The following SPARC variants were observed in gnomAD, a reference collection of about 807,000 sequenced individuals.
SPARC encodes secreted protein acidic and cysteine rich, also known as basement-membrane protein 40.
A neutral mutation model predicts 37.7 loss-of-function variants in SPARC; 23 were observed. The observed-to-expected ratio is 0.61, with a 90% confidence interval of 0.44 to 0.87. SPARC has a LOEUF of 0.87. SPARC is among the 40% of genes least tolerant of loss of function. The pLI is 0.00. For synonymous variants in SPARC, 155 were observed against 150.8 expected (o/e 1.03, Z -0.20); for missense variants, 312 against 389.0 (o/e 0.80, Z 1.66).
At chr5:151,668,617 G>A (rs181227063) in intron 6 of SPARC, among the ~76,000 whole-genome samples, 2 of 152,274 alleles carry the variant, frequency 1.3e-5, no homozygotes, top group African/African-American at 4.8e-5. Context: ...AGTCCCCTCT[G>A]TGAGGCTACC....
chr5:151,669,614 CAGAGCTCTCTCCCCA>C (rs748789366), intron 6 of SPARC, 35 bp downstream of exon 6: 31 of 1,597,316 alleles, frequency 1.9e-5, no homozygotes, highest in Non-Finnish European at 2.7e-5. Context: ...AGTGCCAGCT[CAGAGCTCTCTCCCCA>C]AGACAGGAGT....
chr5:151,680,204 A>G (rs370627706), intron 1 of SPARC, among the ~76,000 whole-genome samples: 1 of 144,868 alleles, frequency 6.9e-6, no homozygotes, highest in African/African-American at 2.6e-5. Context: ...AATAGAGAAT[A>G]GTGGAAAACA....
chr5:151,672,243 A>T (rs950750007), intron 4 of SPARC, among the ~76,000 whole-genome samples: 1 of 152,226 alleles, frequency 6.6e-6, no homozygotes, highest in African/African-American at 2.4e-5. Flanking sequence ...ATGACTCAGT[A>T]GATGTCCCTC....
At chr5:151,681,677 A>G (rs751274378) in intron 1 of SPARC, among the ~76,000 whole-genome samples, 2 of 152,200 alleles carry the variant, frequency 1.3e-5, no homozygotes, top group African/African-American at 2.4e-5. Flanking sequence ...AGATCACCTG[A>G]GGTCAGCAGT....
At chr5:151,685,100 G>C (rs1761101325) in intron 1 of SPARC, 1 of 152,182 alleles carries the variant, frequency 6.6e-6, no homozygotes, top group African/African-American at 2.4e-5. Context: ...AGTGAGTCAG[G>C]CAGAGAAGAG....
intron 5 of SPARC, 84 bp from the exon 6 acceptor site, chr5:151,669,868 G>A (rs529052463): frequency 1.3e-6 from 2 of 1,536,126 alleles, no homozygotes; most frequent in East Asian, 2.3e-5. Flanking sequence ...TCAGAGATGG[G>A]GACACTGAGG....
At chr5:151,674,515 C>A (rs1213916752) in intron 3 of SPARC, 97 bp downstream of exon 3, 4 of 1,091,646 alleles carry the variant, frequency 3.7e-6, no homozygotes, top group Admixed American at 3.5e-5. Context: ...GACGAATGCC[C>A]CACTCTAGCA....
intron 4 of SPARC, chr5:151,672,870 G>C: frequency 2.0e-6 from 1 of 492,354 alleles, no homozygotes; most frequent in Non-Finnish European, 3.7e-6. Context: ...GCTATGAGGG[G>C]AGAAGCCCAT....
At chr5:151,669,915 G>T in intron 5 of SPARC, 131 bp from the exon 6 acceptor site, 1 of 1,276,852 alleles carries the variant, frequency 7.8e-7, no homozygotes, top group Non-Finnish European at 1.1e-6. Context: ...AGGTCATATA[G>T]TGAGTTAGTG....
At chr5:151,663,956 A>G in intron 9 of SPARC, 131 bp downstream of exon 9, 1 of 1,083,592 alleles carries the variant, frequency 9.2e-7, no homozygotes, top group Non-Finnish European at 1.4e-6. Flanking sequence ...AAATAGGCAG[A>G]GAGAGCAGAG....
In SPARC at chr5:151,662,634, G is replaced by T. The variant is rs1760534775; in HGVS notation, c.*937C>A. ...ATAGAAGAAAAAAGGGGAGGGTGAAGAAAAGGAGGAACATGCTAAAAACCT... is the reference window on the plus strand; with the variant it reads ...ATAGAAGAAAAAAGGGGAGGGTGAATAAAAGGAGGAACATGCTAAAAACCT... On this transcript the variant is annotated 3_prime_UTR_variant, in exon 10 of 10. Coordinates refer to ENST00000231061, the MANE Select transcript of SPARC (RefSeq NM_003118.4). The T allele has an allele frequency of 6.6e-6, 1 of 152,576 alleles. No homozygotes were observed. The highest frequency in any genetic ancestry group is 2.1e-4 in the South Asian group (1 of 4,820). The allele number at this position is 152,576 out of a possible 1,614,324, so 9.5% of individuals were successfully genotyped here. A position where few individuals can be genotyped will look rare whatever the true frequency, so the allele number is the denominator to read the frequency against.
chr5:151,666,015 G>A (rs1760611487), intron 8 of SPARC, among the ~76,000 whole-genome samples: 1 of 152,224 alleles, frequency 6.6e-6, no homozygotes, highest in Non-Finnish European at 1.5e-5. Flanking sequence ...CTGAAGGACA[G>A]GGGGCGTGTG....
intron 1 of SPARC, 73 bp from the exon 2 acceptor site, chr5:151,676,274 T>C (rs972682348): frequency 4.8e-6 from 5 of 1,037,724 alleles, no homozygotes; most frequent in Non-Finnish European, 5.9e-6. Context: ...GAATTCCTGA[T>C]ATGTGCAAGA....
chr5:151,666,255 T>C (rs1760616839), intron 8 of SPARC, 106 bp downstream of exon 8: 9 of 1,138,292 alleles, frequency 7.9e-6, no homozygotes, highest in Non-Finnish European at 1.1e-5. Flanking sequence ...AGGCAAACTG[T>C]GGATGCCAGG....
At chr5:151,684,540 T>C (rs150901464) in intron 1 of SPARC, among the ~76,000 whole-genome samples, 1 of 151,518 alleles carries the variant, frequency 6.6e-6, no homozygotes, top group Non-Finnish European at 1.5e-5. Context: ...TTTTAAAATT[T>C]TTCCTGTCAG....
chr5:151,668,602 G>A (rs1474324067), intron 6 of SPARC, among the ~76,000 whole-genome samples: 1 of 152,136 alleles, frequency 6.6e-6, no homozygotes, highest in African/African-American at 2.4e-5. Flanking sequence ...CATTGAACCA[G>A]GGAAAGTCCC....
At chr5:151,664,764 G>C (rs1760587384) in intron 8 of SPARC, among the ~76,000 whole-genome samples, 1 of 152,170 alleles carries the variant, frequency 6.6e-6, no homozygotes, top group Non-Finnish European at 1.5e-5. Context: ...AAAGGGACTG[G>C]GATTGGCAGT....
intron 3 of SPARC, 39 bp from the exon 4 acceptor site, chr5:151,673,255 T>C: frequency 7.2e-7 from 1 of 1,387,888 alleles, no homozygotes; most frequent in Non-Finnish European, 1.0e-6. Flanking sequence ...ATGGCCCCAC[T>C]CCCATCCCAG....
chr5:151,665,917 T>C (rs1025330775), intron 8 of SPARC, among the ~76,000 whole-genome samples: 11 of 152,168 alleles, frequency 7.2e-5, no homozygotes, highest in African/African-American at 2.7e-4. Flanking sequence ...TTTGGATAAC[T>C]TCCAGGGTCA....
Sources: gnomAD v4.1 joint callset for allele counts (sites outside exome capture counted in the v4.1 genomes callset) on GRCh38, gnomAD v4.1.1 for gene constraint, MANE v1.5 for transcripts, NCBI Gene and HGNC (gene_info 2026-07-23, HGNC 2026-07-21) for gene names.